RTCA: variants seen among roughly 807,000 people sequenced by gnomAD.
RTCA encodes the protein RNA terminal phosphate cyclase domain 1.
A neutral mutation model predicts 46.1 loss-of-function variants in RTCA; 37 were observed. The observed-to-expected ratio is 0.80, with a 90% CI of 0.62 to 1.06. The LOEUF (loss-of-function observed/expected upper bound fraction) is 1.06. Ranked by LOEUF, RTCA falls within the 50% of genes least tolerant of loss-of-function variation. RTCA has a pLI of 0.00. For synonymous variants in RTCA, 164 were observed against 158.3 expected (o/e 1.04, Z -0.27); for missense variants, 435 against 455.5 (o/e 0.95, Z 0.41).
chr1:100,285,068 A>C (rs184977137), intron 8 of RTCA, among the ~76,000 whole-genome samples, 160 bp from the exon 9 acceptor site: 1 of 152,370 alleles, frequency 6.6e-6, no homozygotes, highest in Admixed American at 6.5e-5. Context: ...CAGAATATTA[A>C]ATAACTAAAG....
chr1:100,268,368 G>A, intron 3 of RTCA, 73 bp downstream of exon 3: 1 of 1,230,152 alleles, frequency 8.1e-7, no homozygotes, highest in Non-Finnish European at 1.1e-6. Context: ...TGGGCAAGTT[G>A]CTTAATGTCT....
chr1:100,288,669 G>A (rs770258290), intron 10 of RTCA, among the ~76,000 whole-genome samples: 3 of 152,016 alleles, frequency 2.0e-5, no homozygotes, highest in Non-Finnish European at 4.4e-5. Context: ...AGGATTACAG[G>A]TGTAAGCCAG....
chr1:100,274,833 C>T lies in RTCA; in HGVS notation c.483C>T (p.Tyr161=). Residue 161 remains tyrosine (Y), a synonymous_variant, in exon 6 of 11, where the codon TAC becomes TAT. Transcript: ENST00000370128. The part of the protein sequence containing the change: ...FNCDIKTRGY[Y]PKGGGEVIVR... Reference sequence around the variant, plus strand: ...GTTATACTTTTCATAGGGGATATTACCCAAAAGGGGGTGGTGAAGTGATTG... The same window carrying T: ...GTTATACTTTTCATAGGGGATATTATCCAAAAGGGGGTGGTGAAGTGATTG... The T allele has an allele frequency of 1.9e-6, 3 of 1,610,868 alleles. No individual in the cohort carries two copies. The highest frequency in any genetic ancestry group is 2.5e-6 in the Non-Finnish European group (3 of 1,177,876).
intron 10 of RTCA, among the ~76,000 whole-genome samples, chr1:100,289,210 C>G (rs1021168606): frequency 6.6e-6 from 1 of 151,816 alleles, no homozygotes; most frequent in Non-Finnish European, 1.5e-5. Context: ...CTCACAGTAG[C>G]CCCGAACTCC....
chr1:100,287,532 CTG>C (rs1340742635), intron 10 of RTCA, among the ~76,000 whole-genome samples: 1 of 152,144 alleles, frequency 6.6e-6, no homozygotes, highest in Non-Finnish European at 1.5e-5. Context: ...GTTATAATCA[CTG>C]TGTGGTACTG....
rs1667337795 is a variant in RTCA, at chr1:100,291,256, TTCTC to T, written c.1000-146_1000-143del. 3 of 559,570 alleles carry T rather than the reference TTCTC, an allele frequency of 5.4e-6. No homozygotes were observed. The East Asian group carries it at 8.9e-5, about 17-fold the overall frequency. 34.7% of individuals were successfully genotyped at this position (559,570 alleles called of 1,614,324 possible). A position where few individuals can be genotyped will look rare whatever the true frequency, so the allele number is the denominator to read the frequency against. On this transcript the variant is annotated intron_variant, in intron 10 of 10. Coordinates refer to ENST00000370128, the MANE Select transcript of RTCA (RefSeq NM_003729.4). ...GTTATCTTGAGGCTATTAAGTTTCT[TTCTC>T]ATCAATCATTTGATCTTTGTGTCTC...
intron 8 of RTCA, among the ~76,000 whole-genome samples, chr1:100,283,083 C>T (rs1191845452): frequency 6.6e-6 from 1 of 152,058 alleles, no homozygotes; most frequent in Non-Finnish European, 1.5e-5. Flanking sequence ...AGGCGTGAGC[C>T]ACTGTGCTTA....
At chr1:100,288,383 A>T (rs1667145711) in intron 10 of RTCA, among the ~76,000 whole-genome samples, 1 of 152,182 alleles carries the variant, frequency 6.6e-6, no homozygotes, top group Non-Finnish European at 1.5e-5. Flanking sequence ...TAACAATTTT[A>T]TAAGGGAAGT....
chr1:100,285,381 T>TC, intron 9 of RTCA, 59 bp downstream of exon 9: 1 of 1,117,248 alleles, frequency 9.0e-7, no homozygotes, highest in Non-Finnish European at 1.3e-6. Context: ...ATGTGGTAGA[T>TC]TGAATATCAA....
At position 100,291,647 on chromosome 1, in the gene RTCA, C is replaced by G; in HGVS notation, c.*143C>G. The G allele has an allele frequency of 2.1e-6, 1 of 483,848 alleles. No individual in the cohort carries two copies. The allele number at this position is 483,848 out of a possible 1,614,324, so 30.0% of individuals were successfully genotyped here. ...CAGTGTTCTAGGTTTGCTGAGAAGG[C>G]TTCATTAAATTAATCTCACTTTGAA... On this transcript the variant is annotated 3_prime_UTR_variant, in exon 11 of 11. Coordinates refer to ENST00000370128, the MANE Select transcript of RTCA (RefSeq NM_003729.4).
In RTCA at chr1:100,277,282, CTGTT is replaced by C. The variant is rs774684073; in HGVS notation, c.772_775del (p.Phe258LeufsTer10). The C allele has an allele frequency of 1.9e-6, 3 of 1,612,346 alleles. No homozygotes were observed. The highest frequency in any genetic ancestry group is 1.7e-5 in the Admixed American group (1 of 59,626). ...GAATTATTGCTGAGACCTCCACTGG[CTGTT>C]TGTTTGCTGGATCATCGCTTGGTAA... On this transcript the variant is annotated frameshift_variant, in exon 8 of 11. Coordinates refer to ENST00000370128, the MANE Select transcript of RTCA (RefSeq NM_003729.4). LOFTEE classifies it high-confidence loss of function.
At chr1:100,289,016 G>C (rs929469749) in intron 10 of RTCA, among the ~76,000 whole-genome samples, 1 of 152,028 alleles carries the variant, frequency 6.6e-6, no homozygotes, top group Non-Finnish European at 1.5e-5. Context: ...CAGAGACAGG[G>C]TTTCACTGTG....
At chr1:100,280,849 A>G (rs1000150682) in intron 8 of RTCA, among the ~76,000 whole-genome samples, 3 of 152,210 alleles carry the variant, frequency 2.0e-5, no homozygotes, top group African/African-American at 7.2e-5. Flanking sequence ...AAAAAATACA[A>G]AAATTACTTG....
At chr1:100,286,588 C>T (rs1289424253) in intron 9 of RTCA, among the ~76,000 whole-genome samples, 1 of 151,410 alleles carries the variant, frequency 6.6e-6, no homozygotes, top group Non-Finnish European at 1.5e-5. Flanking sequence ...TTCTACCATA[C>T]TTTTGTCTCC....
intron 8 of RTCA, among the ~76,000 whole-genome samples, chr1:100,281,738 AC>A (rs1666723688): frequency 6.7e-6 from 1 of 149,042 alleles, no homozygotes; most frequent in Non-Finnish European, 1.5e-5. Flanking sequence ...TTTTTTCGAG[AC>A]GGAATCTTGC....
In RTCA at chr1:100,274,842, G is replaced by A; in HGVS notation, c.492G>A (p.Gly164=). 1 of 1,611,828 alleles carries A rather than the reference G, an allele frequency of 6.2e-7. No homozygotes were observed. Among genetic ancestry groups the A allele is most frequent in the Non-Finnish European group, 8.5e-7 (1 of 1,178,462 alleles). ...DIKTRGYYPK[G]GGEVIVRMSP... ...TTCATAGGGGATATTACCCAAAAGG[G>A]GGTGGTGAAGTGATTGTTCGAATGT... The change falls in exon 6 of 11, where the codon GGG becomes GGA. Residue 164 remains glycine, a synonymous_variant. Transcript: ENST00000370128.
intron 9 of RTCA, 52 bp from the exon 10 acceptor site, chr1:100,287,047 A>G: frequency 7.8e-7 from 1 of 1,279,280 alleles, no homozygotes; most frequent in South Asian, 1.5e-5. Context: ...TGGAATTATA[A>G]TGCCAAATAT....
intron 9 of RTCA, among the ~76,000 whole-genome samples, chr1:100,285,704 C>T (rs1250937797): frequency 6.6e-6 from 1 of 151,900 alleles, no homozygotes; most frequent in Non-Finnish European, 1.5e-5. Context: ...AGGCTGGTCT[C>T]GAACTCCTGG....
intron 2 of RTCA, chr1:100,267,264 T>G: frequency 2.4e-6 from 1 of 424,810 alleles, no homozygotes; most frequent in Non-Finnish European, 4.1e-6. Context: ...TCTGTATTTA[T>G]TACATTTTAA....
Sources: allele counts gnomAD v4.1 joint callset (sites outside exome capture counted in the v4.1 genomes callset), GRCh38; gene constraint gnomAD v4.1.1; transcripts MANE v1.5; gene names NCBI Gene and HGNC (gene_info 2026-07-23, HGNC 2026-07-21).